The following ZBTB44 variants were observed in gnomAD, a reference collection of about 807,000 sequenced individuals.
The protein encoded by ZBTB44 is zinc finger and BTB domain-containing protein 44.
Under a neutral mutation model 54.0 loss-of-function variants are expected in ZBTB44, and 15 were observed. The observed-to-expected ratio is 0.28, with a 90% confidence interval of 0.19 to 0.43. The LOEUF (loss-of-function observed/expected upper bound fraction) is 0.43. Among genes scored for constraint, ZBTB44 ranks in the 20% least tolerant of loss-of-function variants. The pLI, the probability that ZBTB44 is intolerant of heterozygous loss-of-function variation, is 1.00. For synonymous variants in ZBTB44, 230 were observed against 250.1 expected (o/e 0.92, Z 0.76); for missense variants, 487 against 707.1 (o/e 0.69, Z 3.53).
At chr11:130,314,094 C>G (rs1185503525) in intron 1 of ZBTB44, among the ~76,000 whole-genome samples, 1 of 151,996 alleles carries the variant, frequency 6.6e-6, no homozygotes, top group Non-Finnish European at 1.5e-5. Flanking sequence ...TCCGGCCGCT[C>G]CGGGTTAGGG....
At chr11:130,309,438 C>A (rs1484022778) in intron 1 of ZBTB44, among the ~76,000 whole-genome samples, 6 of 152,278 alleles carry the variant, frequency 3.9e-5, no homozygotes, top group African/African-American at 1.4e-4. Context: ...GAACACTGCT[C>A]CCTCTTAAAA....
At chr11:130,311,635 G>T (rs1296183089) in intron 1 of ZBTB44, among the ~76,000 whole-genome samples, 2 of 152,126 alleles carry the variant, frequency 1.3e-5, no homozygotes, top group East Asian at 3.8e-4. Context: ...GATTAAACAA[G>T]CAAAAACCTT....
chr11:130,266,015 A>T (rs1000957838), intron 1 of ZBTB44, among the ~76,000 whole-genome samples: 2 of 152,240 alleles, frequency 1.3e-5, no homozygotes, highest in African/African-American at 4.8e-5. Flanking sequence ...ACAGCCTTAC[A>T]CTGGAAACAG....
At chr11:130,291,617 C>A (rs1029231604) in intron 1 of ZBTB44, among the ~76,000 whole-genome samples, 34 of 152,140 alleles carry the variant, frequency 2.2e-4, no homozygotes, top group Admixed American at 2.0e-3. Context: ...TTAAACCAAG[C>A]TGTCTTTCTC....
chr11:130,308,249 A>T (rs190929399), intron 1 of ZBTB44, among the ~76,000 whole-genome samples: 55 of 152,340 alleles, frequency 3.6e-4, no homozygotes, highest in African/African-American at 1.3e-3. Context: ...CAATGACACA[A>T]TCGCCTAACG....
At chr11:130,290,338 T>C (rs977217741) in intron 1 of ZBTB44, among the ~76,000 whole-genome samples, 1 of 152,250 alleles carries the variant, frequency 6.6e-6, no homozygotes, top group African/African-American at 2.4e-5. Flanking sequence ...AACCCAGTTA[T>C]GATTATTTCA....
chr11:130,311,182 T>C (rs1421193954), intron 1 of ZBTB44, among the ~76,000 whole-genome samples: 1 of 152,180 alleles, frequency 6.6e-6, no homozygotes, highest in African/African-American at 2.4e-5. Context: ...AATGATTTTA[T>C]GTATACAGTG....
At chr11:130,256,486 G>A (rs897656723) in intron 2 of ZBTB44, among the ~76,000 whole-genome samples, 1 of 152,018 alleles carries the variant, frequency 6.6e-6, no homozygotes, top group Non-Finnish European at 1.5e-5. Context: ...GACCATCCTG[G>A]CCAACATGGT....
At chr11:130,287,297 C>T (rs1941025535) in intron 1 of ZBTB44, among the ~76,000 whole-genome samples, 1 of 152,120 alleles carries the variant, frequency 6.6e-6, no homozygotes, top group Non-Finnish European at 1.5e-5. Context: ...TACAGATACT[C>T]CCCACTTATA....
In ZBTB44 at chr11:130,231,032, T is replaced by C. The variant is rs1953858017; in HGVS notation, c.*732A>G. On this transcript the variant is annotated 3_prime_UTR_variant, in exon 8 of 8. Coordinates refer to ENST00000357899, the MANE Select transcript of ZBTB44 (RefSeq NM_001301098.2). ...GTTACCCTCCTGGCCTTAAGAAAGA[T>C]AGCTACGTTTAAGCACTCTAAACTG... 1 of 152,128 alleles carries C rather than the reference T, an allele frequency of 6.6e-6. No individual in the cohort carries two copies. The highest frequency in any genetic ancestry group is 2.1e-4 in the South Asian group (1 of 4,828). The allele number at this position is 152,128 out of a possible 1,614,324, so 9.4% of individuals were successfully genotyped here. A position where few individuals can be genotyped will look rare whatever the true frequency, so the allele number is the denominator to read the frequency against.
intron 2 of ZBTB44, among the ~76,000 whole-genome samples, chr11:130,246,612 C>G (rs117345882): frequency 0.011 from 1,717 of 152,270 alleles, 16 homozygotes; most frequent in South Asian, 0.021. Context: ...AAGATACTTA[C>G]AAAGATCCCT....
At chr11:130,267,586 T>A (rs1434390549) in intron 1 of ZBTB44, among the ~76,000 whole-genome samples, 1 of 151,994 alleles carries the variant, frequency 6.6e-6, no homozygotes, top group Non-Finnish European at 1.5e-5. Flanking sequence ...TAAATTTTTT[T>A]ATTTCTTTAG....
chr11:130,272,556 T>C (rs1002051759), intron 1 of ZBTB44, among the ~76,000 whole-genome samples: 1 of 152,256 alleles, frequency 6.6e-6, no homozygotes, highest in Non-Finnish European at 1.5e-5. Flanking sequence ...TTGTCTTTTA[T>C]GACGGTGTCC....
intron 1 of ZBTB44, among the ~76,000 whole-genome samples, chr11:130,306,534 A>G (rs923876884): frequency 1.3e-5 from 2 of 152,102 alleles, no homozygotes; most frequent in Admixed American, 6.6e-5. Flanking sequence ...TAGAACTACC[A>G]TTTGATCCAG....
rs1035741549 is a variant in ZBTB44, at chr11:130,231,615, A to C, written c.*149T>G. On this transcript the variant is annotated 3_prime_UTR_variant, in exon 8 of 8. Transcript: ENST00000357899. ...GGATGTGCTAAAAACACTTTTAACC[A>C]ATCAATCTGCAAACCATTCTTACAC... The C allele has an allele frequency of 1.3e-5, 2 of 152,108 alleles. No homozygotes were observed. The highest frequency in any genetic ancestry group is 6.5e-5 in the Admixed American group (1 of 15,268). The allele number at this position is 152,108 out of a possible 1,614,324, so 9.4% of individuals were successfully genotyped here.
At chr11:130,269,871 G>A (rs1348774697) in intron 1 of ZBTB44, among the ~76,000 whole-genome samples, 3 of 151,954 alleles carry the variant, frequency 2.0e-5, no homozygotes, top group African/African-American at 7.3e-5. Flanking sequence ...ACAATTCCTG[G>A]CATAAAGCAA....
At chr11:130,284,596 T>C (rs1940793637) in intron 1 of ZBTB44, among the ~76,000 whole-genome samples, 1 of 152,134 alleles carries the variant, frequency 6.6e-6, no homozygotes, top group South Asian at 2.1e-4. Context: ...TGGCCAAGCG[T>C]GGTAGCTCAC....
intron 1 of ZBTB44, among the ~76,000 whole-genome samples, chr11:130,287,963 G>C (rs1350876681): frequency 8.9e-6 from 1 of 112,772 alleles, no homozygotes; most frequent in South Asian, 2.6e-4. Flanking sequence ...AATTTTCTCA[G>C]ACAAAAAAAA....
At chr11:130,271,309 G>A (rs896217820) in intron 1 of ZBTB44, among the ~76,000 whole-genome samples, 5 of 152,126 alleles carry the variant, frequency 3.3e-5, no homozygotes, top group Admixed American at 3.3e-4. Flanking sequence ...CACCCAGAAT[G>A]GCTTCTAAAT....
Sources: allele counts gnomAD v4.1 joint callset (sites outside exome capture counted in the v4.1 genomes callset), GRCh38; gene constraint gnomAD v4.1.1; transcripts MANE v1.5; gene names NCBI Gene and HGNC (gene_info 2026-07-23, HGNC 2026-07-21).